TANC2: variants seen among roughly 807,000 people sequenced by gnomAD.
The protein encoded by TANC2 is tetratricopeptide repeat, ankyrin repeat and coiled-coil containing 2.
In TANC2, 26 loss-of-function variants were observed where a neutral mutation model predicts 210.5. That is an observed-to-expected ratio of 0.12 (90% confidence interval 0.09 to 0.17). The LOEUF is 0.17. Ranked by LOEUF, TANC2 falls within the 10% of genes least tolerant of loss-of-function variation. The pLI, the probability that TANC2 is intolerant of heterozygous loss-of-function variation, is 1.00. For synonymous variants in TANC2, 931 were observed against 967.1 expected (o/e 0.96, Z 0.69); for missense variants, 2,129 against 2,608.9 (o/e 0.82, Z 4.01).
intron 16 of TANC2, 36 bp from the exon 17 acceptor site, chr17:63,389,272 T>G: frequency 6.6e-7 from 1 of 1,524,136 alleles, no homozygotes; most frequent in Non-Finnish European, 9.0e-7. Flanking sequence ...GTGACTCCTG[T>G]TTGTCTAATT....
intron 4 of TANC2, among the ~76,000 whole-genome samples, chr17:63,126,925 T>C (rs2038732970): frequency 1.3e-5 from 2 of 152,202 alleles, no homozygotes; most frequent in Admixed American, 1.3e-4. Context: ...TCATGCTGAT[T>C]TTGACCTGTT....
intron 3 of TANC2, among the ~76,000 whole-genome samples, chr17:63,079,618 G>T (rs994259952): frequency 6.6e-6 from 1 of 152,134 alleles, no homozygotes; most frequent in African/African-American, 2.4e-5. Context: ...CAGAACAAAC[G>T]CTAGCTGTAG....
At chr17:63,224,115 G>A (rs991059020) in intron 7 of TANC2, among the ~76,000 whole-genome samples, 2 of 152,138 alleles carry the variant, frequency 1.3e-5, no homozygotes, top group Non-Finnish European at 2.9e-5. Context: ...CCTGATGTTA[G>A]CCTCTTTTTA....
At chr17:63,129,062 G>A (rs1170942441) in intron 4 of TANC2, among the ~76,000 whole-genome samples, 1 of 152,074 alleles carries the variant, frequency 6.6e-6, no homozygotes, top group Non-Finnish European at 1.5e-5. Flanking sequence ...CTGTCACCCA[G>A]GCTGGATGGC....
chr17:62,989,224 T>G (rs2032730968), intron 1 of TANC2, among the ~76,000 whole-genome samples: 1 of 152,224 alleles, frequency 6.6e-6, no homozygotes, highest in Non-Finnish European at 1.5e-5. Flanking sequence ...CTGAGGGCCT[T>G]ATACTTAGTT....
chr17:62,991,216 TA>T (rs1330449866), intron 1 of TANC2, among the ~76,000 whole-genome samples: 1 of 152,100 alleles, frequency 6.6e-6, no homozygotes, highest in African/African-American at 2.4e-5. Flanking sequence ...AAAATAATAT[TA>T]AAAAAACAAA....
chr17:63,412,548 C>A lies in TANC2; in HGVS notation c.3899-132C>A. The A allele has an allele frequency of 1.2e-6, 1 of 838,556 alleles. No individual in the cohort carries two copies. The highest frequency in any genetic ancestry group is 1.9e-6 in the Non-Finnish European group (1 of 528,564). The allele number at this position is 838,556 out of a possible 1,614,324, so 51.9% of individuals were successfully genotyped here. A position where few individuals can be genotyped will look rare whatever the true frequency, so the allele number is the denominator to read the frequency against. On this transcript the variant is annotated intron_variant, in intron 23 of 27. Transcript: ENST00000689528. The surrounding 1 kb of genome is among the most constrained non-coding windows in gnomAD (Gnocchi z 4.2). ...CTCCCCAAGCCCACAGACCTATAGACGAGGGTTGGCTGATATGCTGGCTTT... is the reference window on the plus strand; with the variant it reads ...CTCCCCAAGCCCACAGACCTATAGAAGAGGGTTGGCTGATATGCTGGCTTT...
At chr17:63,355,418 T>G in intron 14 of TANC2, 28 bp downstream of exon 14, 1 of 1,504,932 alleles carries the variant, frequency 6.6e-7, no homozygotes, top group East Asian at 2.3e-5. Flanking sequence ...GATAAACAAT[T>G]CTGAGTCTGT....
chr17:62,970,174 C>T (rs753643932), intron 1 of TANC2, among the ~76,000 whole-genome samples: 5 of 152,162 alleles, frequency 3.3e-5, no homozygotes, highest in Admixed American at 1.3e-4. Flanking sequence ...CTGCGAATTG[C>T]ATATCTCATG....
intron 9 of TANC2, among the ~76,000 whole-genome samples, chr17:63,304,947 G>A (rs1366046296): frequency 1.3e-5 from 2 of 152,212 alleles, no homozygotes. Context: ...AGGGGAAAGC[G>A]CAGCCTGGAG....
At chr17:63,264,588 A>C (rs560141993) in intron 8 of TANC2, among the ~76,000 whole-genome samples, 1 of 152,132 alleles carries the variant, frequency 6.6e-6, no homozygotes, top group South Asian at 2.1e-4. Context: ...TATTAAACTT[A>C]TTTAATTGAG....
chr17:63,089,969 C>A (rs1329460118), intron 3 of TANC2, among the ~76,000 whole-genome samples: 1 of 151,972 alleles, frequency 6.6e-6, no homozygotes, highest in African/African-American at 2.4e-5. Flanking sequence ...GTAAAATTTG[C>A]CATTTTAAGT....
chr17:63,111,938 A>G (rs939090975), intron 4 of TANC2, among the ~76,000 whole-genome samples: 10 of 151,908 alleles, frequency 6.6e-5, no homozygotes, highest in African/African-American at 2.4e-4. Flanking sequence ...GTTGGCCAGG[A>G]TGGTCTCGAT....
At chr17:63,321,222 A>G (rs569962429) in intron 11 of TANC2, among the ~76,000 whole-genome samples, 9 of 152,090 alleles carry the variant, frequency 5.9e-5, no homozygotes, top group Admixed American at 3.9e-4. Context: ...TAAATTTCCT[A>G]TACTGGTATG....
At chr17:63,344,523 TA>T (rs2046338776) in intron 12 of TANC2, among the ~76,000 whole-genome samples, 1 of 152,056 alleles carries the variant, frequency 6.6e-6, no homozygotes, top group African/African-American at 2.4e-5. Context: ...AGCATGCAAA[TA>T]GTATAAATAT....
rs1014596240 is a variant in TANC2, at chr17:63,281,512, C to T, written c.1159+13639C>T. 5.0e-4 allele frequency among the ~76,000 whole-genome samples: 76 copies of T among 151,958 alleles called. 3 individuals carry two copies. The highest frequency in any genetic ancestry group is 1.5e-5 in the Non-Finnish European group (1 of 67,990). On this transcript the variant is annotated intron_variant, in intron 9 of 27. Coordinates refer to ENST00000689528, the Ensembl canonical transcript of TANC2. Reference sequence around the variant, plus strand: ...AGAACTTTTCAGCTGCTTATTATAACCGAAGAGAATTTGAATCCGGCTAAG... The same window carrying T: ...AGAACTTTTCAGCTGCTTATTATAATCGAAGAGAATTTGAATCCGGCTAAG...
intron 2 of TANC2, among the ~76,000 whole-genome samples, chr17:63,020,818 GC>G: frequency 6.6e-6 from 1 of 152,328 alleles, no homozygotes; most frequent in Non-Finnish European, 1.5e-5. Flanking sequence ...AAGAAGCATA[GC>G]ACTGGCATCT....
intron 2 of TANC2, among the ~76,000 whole-genome samples, chr17:63,013,762 TAAA>T (rs34126221): frequency 4.9e-5 from 5 of 101,754 alleles, no homozygotes; most frequent in Admixed American, 1.2e-4. Context: ...ACCCTGTCTT[TAAA>T]AAAAAAAAAA....
intron 2 of TANC2, among the ~76,000 whole-genome samples, chr17:63,016,956 C>A (rs554539930): frequency 7.2e-5 from 11 of 152,246 alleles, no homozygotes; most frequent in Non-Finnish European, 1.6e-4. Context: ...AATCTCTTAT[C>A]AGATATGTGA....
Sources: allele counts gnomAD v4.1 joint callset (sites outside exome capture counted in the v4.1 genomes callset), GRCh38; gene constraint gnomAD v4.1.1; non-coding constraint Gnocchi (gnomAD v3.1); transcripts MANE v1.5; gene names NCBI Gene and HGNC (gene_info 2026-07-23, HGNC 2026-07-21).